ABCA8: variants seen among roughly 807,000 people sequenced by gnomAD.
ABCA8 encodes the protein ABC-type organic anion transporter ABCA8.
Under a neutral mutation model 192.3 loss-of-function variants are expected in ABCA8, and 177 were observed. The ratio of observed to expected loss-of-function variants is 0.92; its 90% CI spans 0.81 to 1.04. ABCA8 has a LOEUF of 1.04. Ranked by LOEUF, ABCA8 falls within the 50% of genes least tolerant of loss-of-function variation. The pLI, the probability that ABCA8 is intolerant of heterozygous loss-of-function variation, is 0.00. For missense variants in ABCA8, 1,915 were observed against 1,904.8 expected, an observed-to-expected ratio of 1.01 and a Z score of -0.10; for synonymous variants, 642 against 690.2, an observed-to-expected ratio of 0.93 and a Z score of 1.09.
intron 17 of ABCA8, among the ~76,000 whole-genome samples, chr17:68,908,456 C>G (rs976546514): frequency 3.9e-5 from 6 of 152,144 alleles, no homozygotes; most frequent in African/African-American, 1.4e-4. Context: ...TTATTCTGCT[C>G]TTATGGAGTT....
intron 5 of ABCA8, among the ~76,000 whole-genome samples, chr17:68,936,103 A>AT (rs908641772): frequency 4.6e-5 from 7 of 150,886 alleles, no homozygotes; most frequent in Admixed American, 2.0e-4. Flanking sequence ...ATAGTTTGCG[A>AT]TTTTTTTTTC....
At chr17:68,875,478 A>G (rs191086117) in intron 36 of ABCA8, 78 bp from the exon 37 acceptor site, 1 of 1,602,214 alleles carries the variant, frequency 6.2e-7, no homozygotes, top group Admixed American at 1.7e-5. Context: ...ATTTGCTGCT[A>G]GCATTGTCTC....
At position 68,875,739 on chromosome 17, in the gene ABCA8, A is replaced by G; in HGVS notation, c.4371-6T>C. On this transcript the variant is annotated splice_polypyrimidine_tract_variant and splice_region_variant and intron_variant, in intron 35 of 39. Transcript: ENST00000586539. ...AGGTGGCCCGGATGGCCTGCCTATA[A>G]TGTCAAGAGATTATTTGCAATTTAG... 6.2e-7 allele frequency: 1 copy of G among 1,603,616 alleles called. No individual in the cohort carries two copies. The highest frequency in any genetic ancestry group is 8.5e-7 in the Non-Finnish European group (1 of 1,176,864).
chr17:68,941,075 A>G (rs1567882604), intron 3 of ABCA8, 113 bp from the exon 4 acceptor site: 6 of 773,308 alleles, frequency 7.8e-6, no homozygotes, highest in East Asian at 2.7e-5. Context: ...AATATATCCC[A>G]TATTATAAAC....
intron 24 of ABCA8, 89 bp from the exon 25 acceptor site, chr17:68,887,595 A>G: frequency 1.8e-6 from 2 of 1,116,526 alleles, no homozygotes; most frequent in Non-Finnish European, 2.5e-6. Flanking sequence ...CTTTATTTGT[A>G]ACAATTCTAG....
intron 11 of ABCA8, among the ~76,000 whole-genome samples, chr17:68,923,658 G>C (rs550412846): frequency 6.6e-6 from 1 of 152,320 alleles, no homozygotes; most frequent in African/African-American, 2.4e-5. Context: ...TGCTCTGCTA[G>C]AGTAAACCTA....
chr17:68,889,230 A>G (rs1427643015), intron 24 of ABCA8, among the ~76,000 whole-genome samples: 1 of 152,224 alleles, frequency 6.6e-6, no homozygotes, highest in Admixed American at 6.5e-5. Context: ...AGATGCTTAC[A>G]CAAGGTTTCA....
chr17:68,936,887 CCCA>C, intron 5 of ABCA8, 61 bp downstream of exon 5: 1 of 1,396,996 alleles, frequency 7.2e-7, no homozygotes, highest in Non-Finnish European at 9.6e-7. Context: ...AACCTCTATT[CCCA>C]CACATGACTT....
At chr17:68,870,383 C>T (rs1329864174) in intron 37 of ABCA8, among the ~76,000 whole-genome samples, 4 of 152,180 alleles carry the variant, frequency 2.6e-5, no homozygotes, top group Non-Finnish European at 4.4e-5. Flanking sequence ...TGGAAACTCC[C>T]CTGCCACTGT....
At chr17:68,913,376 A>G (rs1447032056) in intron 17 of ABCA8, among the ~76,000 whole-genome samples, 2 of 152,058 alleles carry the variant, frequency 1.3e-5, no homozygotes, top group East Asian at 1.9e-4. Flanking sequence ...AAAGTCGTAG[A>G]ATAAAAGAAA....
chr17:68,878,731 G>T (rs1367408347), intron 32 of ABCA8: 3 of 152,236 alleles, frequency 2.0e-5, no homozygotes, highest in Non-Finnish European at 2.9e-5. Context: ...GAGTTGGAGG[G>T]TGTCCATGAT....
Position 68,902,907 on chromosome 17 carries a change from A to G in ABCA8, c.2598-28T>C, listed in dbSNP as rs200926241. 3.8e-6 allele frequency: 6 copies of G among 1,583,182 alleles called. No individual in the cohort carries two copies. In the Admixed American group the frequency reaches 6.9e-5, roughly 18 times the overall value. On this transcript the variant is annotated intron_variant, in intron 20 of 39. Coordinates refer to ENST00000586539, the MANE Select transcript of ABCA8 (RefSeq NM_001288985.2). ...ACACAAAAGAAAATTGCCAAAATGAATGCAATGTCATTTCCTGATCTAATA... is the reference window on the plus strand; with the variant it reads ...ACACAAAAGAAAATTGCCAAAATGAGTGCAATGTCATTTCCTGATCTAATA...
intron 5 of ABCA8, 34 bp downstream of exon 5, chr17:68,936,911 TGAAATA>T: frequency 6.7e-7 from 1 of 1,496,990 alleles, no homozygotes; most frequent in Non-Finnish European, 8.9e-7. Flanking sequence ...ATGACATAAT[TGAAATA>T]GAGAGTAGTG....
intron 5 of ABCA8, 60 bp from the exon 6 acceptor site, chr17:68,933,331 A>G: frequency 9.1e-7 from 1 of 1,102,292 alleles, no homozygotes; most frequent in Non-Finnish European, 1.3e-6. Context: ...TTGAAATATG[A>G]TTTTAATACT....
rs560071724 is a variant in ABCA8, at chr17:68,911,852, A to G, written c.2139-3973T>C. On this transcript the variant is annotated intron_variant, in intron 17 of 39. Transcript: ENST00000586539. This position sits in a 1 kb window ranked among gnomAD's most constrained non-coding sequence, Gnocchi z 5.7. ...TATTCTCCAAGAGCACCAAAGTGGT[A>G]CGTCGAAGAGTCTGCAAGAATCACC... 2.0e-5 allele frequency among the ~76,000 whole-genome samples: 3 copies of G among 152,322 alleles called. No homozygotes were observed. Among genetic ancestry groups the G allele is most frequent in the African/African-American group, 7.2e-5 (3 of 41,582 alleles).
rs920015256 is a variant in ABCA8 at position 68,897,386 on chromosome 17, T to C, written c.2765-2373A>G. Among the ~76,000 whole-genome samples the C allele has an allele frequency of 3.3e-5, 5 of 152,194 alleles. No individual in the cohort carries two copies. In the East Asian group the frequency reaches 9.6e-4, roughly 29 times the overall value. On this transcript the variant is annotated intron_variant, in intron 21 of 39. Coordinates refer to ENST00000586539, the MANE Select transcript of ABCA8 (RefSeq NM_001288985.2). ...CTTCAAGACAAGCTGGGGGTCATTATTCAAAGTTGTTACAATCTATTACTT... is the reference window on the plus strand; with the variant it reads ...CTTCAAGACAAGCTGGGGGTCATTACTCAAAGTTGTTACAATCTATTACTT...
rs564583314 is a variant in ABCA8 at position 68,907,604 on chromosome 17, T to C, written c.2278+136A>G. The C allele has an allele frequency of 3.9e-5, 29 of 750,920 alleles. No homozygotes were observed. In the East Asian group the frequency reaches 8.7e-4, roughly 22 times the overall value. 46.5% of individuals were successfully genotyped at this position (750,920 alleles called of 1,614,324 possible). On this transcript the variant is annotated intron_variant, in intron 18 of 39. Coordinates refer to ENST00000586539, the MANE Select transcript of ABCA8 (RefSeq NM_001288985.2). ...ACTATACAGAAAATAATTCAGTTAT[T>C]GTACTATTCTTTTGATTATGTTTCA...
intron 1 of ABCA8, among the ~76,000 whole-genome samples, chr17:68,954,830 T>C (rs1266814964): frequency 6.6e-6 from 1 of 152,176 alleles, no homozygotes; most frequent in Non-Finnish European, 1.5e-5. Flanking sequence ...CCTACATTAT[T>C]GTGCAATCAA....
rs761553602 is a variant in ABCA8 at position 68,937,065 on chromosome 17, C to T, written c.352G>A (p.Ala118Thr). ...PDEESIKEFT[A>T]NYPEEIVRVT... is the part of the protein sequence containing the mutation. ...CTTACTATTTCTTCAGGATAATTTG[C>T]TGTGAATTCTTTAATACTTTCCTCA... The change falls in exon 5 of 40, where the codon GCA (alanine) becomes ACA (threonine). Residue 118 changes from alanine to threonine, a missense_variant. Physicochemically the swap from Ala to Thr is moderately conservative, Grantham distance 58. Transcript: ENST00000586539. The T allele has an allele frequency of 6.2e-7, 1 of 1,610,046 alleles. No homozygotes were observed. The highest frequency in any genetic ancestry group is 1.1e-5 in the South Asian group (1 of 90,510).
Sources: gnomAD v4.1 joint callset for allele counts (sites outside exome capture counted in the v4.1 genomes callset) on GRCh38, gnomAD v4.1.1 for gene constraint, Gnocchi (gnomAD v3.1) non-coding constraint, MANE v1.5 for transcripts, NCBI Gene and HGNC (gene_info 2026-07-23, HGNC 2026-07-21) for gene names.